EIF4EBP3: variants seen among roughly 807,000 people sequenced by gnomAD.
EIF4EBP3 encodes eukaryotic translation initiation factor 4E-binding protein 3.
In EIF4EBP3, 11 loss-of-function variants were observed where a neutral mutation model predicts 12.1. The observed-to-expected ratio is 0.91, with a 90% confidence interval of 0.57 to 1.51. The LOEUF is 1.51. Among genes scored for constraint, EIF4EBP3 ranks in the 40% most tolerant of loss-of-function variants. The pLI, the probability that EIF4EBP3 is intolerant of heterozygous loss-of-function variation, is 0.00. For missense variants in EIF4EBP3, 136 were observed against 131.8 expected, an observed-to-expected ratio of 1.03 and a Z score of -0.16; for synonymous variants, 43 against 54.2, an observed-to-expected ratio of 0.79 and a Z score of 0.91.
chr5:140,549,393 C>A lies in EIF4EBP3; in HGVS notation c.*131C>A. On this transcript the variant is annotated 3_prime_UTR_variant, in exon 3 of 3. Coordinates refer to ENST00000310331, the MANE Select transcript of EIF4EBP3 (RefSeq NM_003732.3). Reference sequence around the variant, plus strand: ...CTGGAAGGGAGTGACTTGTTAGTTCCAGGCCTCCTTTAGTTCTGAGGCAGC... The same window carrying A: ...CTGGAAGGGAGTGACTTGTTAGTTCAAGGCCTCCTTTAGTTCTGAGGCAGC... 6.6e-7 allele frequency: 1 copy of A among 1,505,636 alleles called. No homozygotes were observed. Among genetic ancestry groups the A allele is most frequent in the South Asian group, 1.1e-5 (1 of 88,190 alleles). The allele number at this position is 1,505,636 out of a possible 1,614,324, so 93.3% of individuals were successfully genotyped here.
Position 140,547,818 on chromosome 5 carries a change from G to A in EIF4EBP3, c.81G>A (p.Thr27=). The part of the protein sequence containing the change: ...PDCYSTTPGG[T]LYATTPGGTR... ...GCTACAGCACCACGCCGGGGGGCAC[G>A]CTATACGCCACTACCCCCGGAGGTC... Residue 27 remains threonine (T), a synonymous_variant, in exon 1 of 3, where the codon ACG becomes ACA. Coordinates refer to ENST00000310331, the MANE Select transcript of EIF4EBP3 (RefSeq NM_003732.3). 2.0e-6 allele frequency: 3 copies of A among 1,502,764 alleles called. No homozygotes were observed. The highest frequency in any genetic ancestry group is 2.7e-6 in the Non-Finnish European group (3 of 1,121,668). 93.1% of individuals were successfully genotyped at this position (1,502,764 alleles called of 1,614,324 possible). A position where few individuals can be genotyped will look rare whatever the true frequency, so the allele number is the denominator to read the frequency against.
rs1233103151 is a variant in EIF4EBP3, at chr5:140,549,020, C to G, written c.218C>G (p.Ala73Gly). ...QIPGVTTPPT[A>G]PLSKLEELKE... ...CCCGGGGTCACAACTCCTCCAACAG[C>G]CCCTCTCTCCAAGCTGGAGGAGCTG... is the stretch of plus-strand genomic sequence containing the variant. Residue 73 changes from alanine to glycine, a missense_variant, in exon 2 of 3, where the codon GCC becomes GGC. Physicochemically the swap from Ala to Gly is moderately conservative, Grantham distance 60. Transcript: ENST00000310331. The G allele has an allele frequency of 6.2e-7, 1 of 1,614,156 alleles. No individual in the cohort carries two copies. Among genetic ancestry groups the G allele is most frequent in the Admixed American group, 1.7e-5 (1 of 60,014 alleles).
rs899472755 is a variant in EIF4EBP3, at chr5:140,549,054, G to A, written c.252G>A (p.Gln84=). The A allele has an allele frequency of 5.0e-6, 8 of 1,614,138 alleles. No homozygotes were observed. Among genetic ancestry groups the A allele is most frequent in the Non-Finnish European group, 6.8e-6 (8 of 1,180,028 alleles). Residue 84 remains glutamine, a synonymous_variant, in exon 2 of 3, where the codon CAG becomes CAA. Coordinates refer to ENST00000310331, the MANE Select transcript of EIF4EBP3 (RefSeq NM_003732.3). Reference sequence around the variant, plus strand: ...CCAAGCTGGAGGAGCTGAAGGAGCAGGAGACAGAGGAAGAGATACCCGGTA... The same window carrying A: ...CCAAGCTGGAGGAGCTGAAGGAGCAAGAGACAGAGGAAGAGATACCCGGTA... The part of the protein sequence containing the change: ...PLSKLEELKE[Q]ETEEEIPDDA...
intron 1 of EIF4EBP3, 74 bp downstream of exon 1, chr5:140,547,914 G>T: frequency 8.1e-7 from 1 of 1,235,064 alleles, no homozygotes; most frequent in East Asian, 3.0e-5. Context: ...GCGGGGGTAG[G>T]GGAGGGACAG....
chr5:140,547,894 T>C, intron 1 of EIF4EBP3, 54 bp downstream of exon 1: 1 of 1,365,168 alleles, frequency 7.3e-7, no homozygotes, highest in Non-Finnish European at 9.6e-7. Context: ...CGCGTGCGTG[T>C]TGTTGCGGGG....
At chr5:140,548,203 G>C (rs962598429) in intron 1 of EIF4EBP3, among the ~76,000 whole-genome samples, 1 of 152,224 alleles carries the variant, frequency 6.6e-6, no homozygotes, top group South Asian at 2.1e-4. Flanking sequence ...GGAGTAGTTA[G>C]AACAGTTGGG....
rs1426178201 is a variant in EIF4EBP3 at position 140,549,292 on chromosome 5, TAC to T, written c.*32_*33del. On this transcript the variant is annotated 3_prime_UTR_variant, in exon 3 of 3. Transcript: ENST00000310331. ...GTGCAGATGACCTGGCATGTGGAGTTACAGAGGGATCCCTCATGCCACTGCTG... is the reference window on the plus strand; with the variant it reads ...GTGCAGATGACCTGGCATGTGGAGTTAGAGGGATCCCTCATGCCACTGCTG... 5.0e-6 allele frequency: 8 copies of T among 1,614,150 alleles called. No homozygotes were observed. Among genetic ancestry groups the T allele is most frequent in the Non-Finnish European group, 3.4e-6 (4 of 1,180,012 alleles).
rs1561852101 is a variant in EIF4EBP3, at chr5:140,547,771, G to A, written c.34G>A (p.Gly12Ser). The A allele has an allele frequency of 6.5e-7, 1 of 1,542,548 alleles. No individual in the cohort carries two copies. The highest frequency in any genetic ancestry group is 2.0e-5 in the Admixed American group (1 of 50,236). Residue 12 changes from glycine to serine, a missense_variant, in exon 1 of 3, where the codon GGC becomes AGC. Transcript: ENST00000310331. ...STSTSCPIPG[G>S]RDQLPDCYST... ...GTCCACTAGCTGCCCGATTCCCGGG[G>A]GCCGGGACCAGCTGCCCGACTGCTA...
chr5:140,549,236 G>A lies in EIF4EBP3; in HGVS notation c.277G>A (p.Asp93Asn), dbSNP rs890482820. The change falls in exon 3 of 3, where the codon GAC (aspartate) becomes AAC (asparagine). Residue 93 changes from aspartate to asparagine, a missense_variant and splice_region_variant. By Grantham distance (23) the Asp-to-Asn change is conservative. Transcript: ENST00000310331. ...CTTCCTGCCTTTTCTCTCTCCAGAT[G>A]ACGCACAATTTGAAATGGACATCTA... Reference protein sequence around the residue: ...EQETEEEIPDDAQFEMDI With the variant: ...EQETEEEIPDNAQFEMDI The A allele has an allele frequency of 1.9e-6, 3 of 1,614,168 alleles. No individual in the cohort carries two copies. The Admixed American group carries it at 5.0e-5, about 27-fold the overall frequency.
rs200051899 is a variant in EIF4EBP3 at position 140,547,817 on chromosome 5, C to A, written c.80C>A (p.Thr27Lys). Residue 27 changes from threonine to lysine, a missense_variant, in exon 1 of 3, where the codon ACG (threonine) becomes AAG (lysine). Transcript: ENST00000310331. ...TGCTACAGCACCACGCCGGGGGGCA[C>A]GCTATACGCCACTACCCCCGGAGGT... ...PDCYSTTPGGTLYATTPGGTR... is the reference protein window; with the variant it reads ...PDCYSTTPGGKLYATTPGGTR... 2 of 1,502,704 alleles carry A rather than the reference C, an allele frequency of 1.3e-6. No homozygotes were observed. The highest frequency in any genetic ancestry group is 2.6e-5 in the East Asian group (1 of 37,776). The allele number at this position is 1,502,704 out of a possible 1,614,324, so 93.1% of individuals were successfully genotyped here.
rs1754462599 is a variant in EIF4EBP3 at position 140,549,035 on chromosome 5, T to C, written c.233T>C (p.Leu78Pro). ...TTPPTAPLSKLEELKEQETEE... is the reference protein window; with the variant it reads ...TTPPTAPLSKPEELKEQETEE... ...CCTCCAACAGCCCCTCTCTCCAAGC[T>C]GGAGGAGCTGAAGGAGCAGGAGACA... Residue 78 changes from leucine (L) to proline (P), a missense_variant, in exon 2 of 3, where the codon CTG becomes CCG. Coordinates refer to ENST00000310331, the MANE Select transcript of EIF4EBP3 (RefSeq NM_003732.3). 6.2e-7 allele frequency: 1 copy of C among 1,613,990 alleles called. No homozygotes were observed. The highest frequency in any genetic ancestry group is 8.5e-7 in the Non-Finnish European group (1 of 1,179,916).
Position 140,549,060 on chromosome 5 carries a change from A to G in EIF4EBP3, c.258A>G (p.Thr86=), listed in dbSNP as rs1365444249. 1.9e-6 allele frequency: 3 copies of G among 1,614,034 alleles called. No homozygotes were observed. In the African/African-American group the frequency reaches 4.0e-5, roughly 22 times the overall value. Residue 86 remains threonine (T), a synonymous_variant, in exon 2 of 3, where the codon ACA becomes ACG. Coordinates refer to ENST00000310331, the MANE Select transcript of EIF4EBP3 (RefSeq NM_003732.3). ...SKLEELKEQE[T]EEEIPDDAQF... ...TGGAGGAGCTGAAGGAGCAGGAGACAGAGGAAGAGATACCCGGTAAGGAAA... is the reference window on the plus strand; with the variant it reads ...TGGAGGAGCTGAAGGAGCAGGAGACGGAGGAAGAGATACCCGGTAAGGAAA...
intron 1 of EIF4EBP3, 137 bp from the exon 2 acceptor site, chr5:140,548,769 C>G: frequency 8.0e-7 from 1 of 1,255,094 alleles, no homozygotes; most frequent in South Asian, 1.6e-5. Context: ...AGCTGGGCTT[C>G]AGAGCCGATG....
Position 140,548,890 on chromosome 5 carries a change from C to T in EIF4EBP3, c.104-16C>T. 2 of 1,609,292 alleles carry T rather than the reference C, an allele frequency of 1.2e-6. No homozygotes were observed. The highest frequency in any genetic ancestry group is 1.7e-6 in the Non-Finnish European group (2 of 1,177,352). On this transcript the variant is annotated splice_polypyrimidine_tract_variant and intron_variant, in intron 1 of 2. Coordinates refer to ENST00000310331, the MANE Select transcript of EIF4EBP3 (RefSeq NM_003732.3). ...CCAAGCTCCTGACTCTTACCTCAGT[C>T]CCAACCCCTTGACAGGCACCAGGAT...
In EIF4EBP3 at chr5:140,547,908, G is replaced by T. The variant is rs1359083338; in HGVS notation, c.103+68G>T. ...GCGCGTGCGTGTTGTTGCGGGGCGGGGGTAGGGGAGGGACAGACCTAAGAC... is the reference window on the plus strand; with the variant it reads ...GCGCGTGCGTGTTGTTGCGGGGCGGTGGTAGGGGAGGGACAGACCTAAGAC... On this transcript the variant is annotated intron_variant, in intron 1 of 2. Coordinates refer to ENST00000310331, the MANE Select transcript of EIF4EBP3 (RefSeq NM_003732.3). 21 of 1,272,532 alleles carry T rather than the reference G, an allele frequency of 1.7e-5. No homozygotes were observed. In the East Asian group the frequency reaches 5.7e-4, roughly 35 times the overall value. 78.8% of individuals were successfully genotyped at this position (1,272,532 alleles called of 1,614,324 possible). A position where few individuals can be genotyped will look rare whatever the true frequency, so the allele number is the denominator to read the frequency against.
At chr5:140,548,852 G>C in intron 1 of EIF4EBP3, 54 bp from the exon 2 acceptor site, 2 of 1,560,454 alleles carry the variant, frequency 1.3e-6, no homozygotes, top group Non-Finnish European at 1.7e-6. Context: ...TGGGACCCCA[G>C]TCACCTCGGT....
intron 1 of EIF4EBP3, 101 bp downstream of exon 1, chr5:140,547,941 C>A: frequency 1.0e-6 from 1 of 955,286 alleles, no homozygotes; most frequent in Non-Finnish European, 1.4e-6. Context: ...GACTTGTCCG[C>A]AGGCCCCTCT....
rs1754476229 is a variant in EIF4EBP3, at chr5:140,549,413, G to T, written c.*151G>T. Reference sequence around the variant, plus strand: ...AGTTCCAGGCCTCCTTTAGTTCTGAGGCAGCTAGACCAGGGATAGGAGTGG... The same window carrying T: ...AGTTCCAGGCCTCCTTTAGTTCTGATGCAGCTAGACCAGGGATAGGAGTGG... On this transcript the variant is annotated 3_prime_UTR_variant, in exon 3 of 3. Transcript: ENST00000310331. 7.3e-7 allele frequency: 1 copy of T among 1,363,670 alleles called. No homozygotes were observed. Among genetic ancestry groups the T allele is most frequent in the African/African-American group, 1.4e-5 (1 of 69,778 alleles). The allele number at this position is 1,363,670 out of a possible 1,614,324, so 84.5% of individuals were successfully genotyped here.
rs779660074 is a variant in EIF4EBP3 at position 140,548,872 on chromosome 5, CCTGA to C, written c.104-31_104-28del. The C allele has an allele frequency of 1.9e-5, 31 of 1,592,840 alleles. No individual in the cohort carries two copies. The African/African-American group carries it at 2.4e-4, about 12-fold the overall frequency. On this transcript the variant is annotated intron_variant, in intron 1 of 2. Coordinates refer to ENST00000310331, the MANE Select transcript of EIF4EBP3 (RefSeq NM_003732.3). ...CCCCAGTCACCTCGGTACCCAAGCT[CCTGA>C]CTCTTACCTCAGTCCCAACCCCTTG... is the stretch of plus-strand genomic sequence containing the variant.
Sources: gnomAD v4.1 joint callset for allele counts (sites outside exome capture counted in the v4.1 genomes callset) on GRCh38, gnomAD v4.1.1 for gene constraint, MANE v1.5 for transcripts, NCBI Gene and HGNC (gene_info 2026-07-23, HGNC 2026-07-21) for gene names.